The following RAB11B variants were observed in gnomAD, a reference collection of about 807,000 sequenced individuals.
RAB11B encodes RAB11B, member RAS oncogene family, also known as ras-related protein Rab-11B.
RAB11B carries 7 observed loss-of-function variants against 23.7 expected under a neutral mutation model. That is an observed-to-expected ratio of 0.29 (90% CI 0.17 to 0.55). The LOEUF (loss-of-function observed/expected upper bound fraction) is 0.55. Among genes scored for constraint, RAB11B ranks in the 20% least tolerant of loss-of-function variants. The pLI is 0.93. For missense variants in RAB11B, 189 were observed against 320.0 expected, an observed-to-expected ratio of 0.59 and a Z score of 3.12; for synonymous variants, 138 against 132.0, an observed-to-expected ratio of 1.05 and a Z score of -0.31.
At chr19:8,403,084 CT>C (rs900368921) in intron 4 of RAB11B, among the ~76,000 whole-genome samples, 6 of 152,346 alleles carry the variant, frequency 3.9e-5, no homozygotes, top group Admixed American at 1.3e-4. Context: ...CAGAGACCCC[CT>C]GGCCCCAGTT....
rs1298654620 is a variant in RAB11B at position 8,403,765 on chromosome 19, C to T, written c.*207C>T. Reference sequence around the variant, plus strand: ...AAGCTAGAAGCCCCGGTTTGCTGCACCCATGAAACTCGGGTCCCCACAGCG... The same window carrying T: ...AAGCTAGAAGCCCCGGTTTGCTGCATCCATGAAACTCGGGTCCCCACAGCG... On this transcript the variant is annotated 3_prime_UTR_variant, in exon 5 of 5. Coordinates refer to ENST00000328024, the MANE Select transcript of RAB11B (RefSeq NM_004218.4). The T allele has an allele frequency of 2.6e-5, 18 of 680,644 alleles. No individual in the cohort carries two copies. Among genetic ancestry groups the T allele is most frequent in the Non-Finnish European group, 4.1e-5 (18 of 440,550 alleles). The allele number at this position is 680,644 out of a possible 1,614,324, so 42.2% of individuals were successfully genotyped here.
rs539385712 is a variant in RAB11B at position 8,402,824 on chromosome 19, G to A, written c.511+259G>A. 1.3e-4 allele frequency: 71 copies of A among 562,784 alleles called. No individual in the cohort carries two copies. The African/African-American group carries it at 1.3e-3, about 10-fold the overall frequency. The allele number at this position is 562,784 out of a possible 1,614,324, so 34.9% of individuals were successfully genotyped here. On this transcript the variant is annotated intron_variant, in intron 4 of 4. Transcript: ENST00000328024. ...ATTACAGGTGCCTGCCACCACACCCGCTAATTTTTGTAATTTTTAGTAGAG... is the reference window on the plus strand; with the variant it reads ...ATTACAGGTGCCTGCCACCACACCCACTAATTTTTGTAATTTTTAGTAGAG...
intron 1 of RAB11B, among the ~76,000 whole-genome samples, chr19:8,393,018 A>G (rs1971370261): frequency 6.9e-6 from 1 of 145,128 alleles, no homozygotes; most frequent in South Asian, 2.1e-4. Flanking sequence ...TGGTGGCCAC[A>G]TCACGCACTG....
At position 8,403,609 on chromosome 19, in the gene RAB11B, A is replaced by G; in HGVS notation, c.*51A>G. 1 of 1,570,984 alleles carries G rather than the reference A, an allele frequency of 6.4e-7. No homozygotes were observed. The highest frequency in any genetic ancestry group is 8.7e-7 in the Non-Finnish European group (1 of 1,154,796). On this transcript the variant is annotated 3_prime_UTR_variant, in exon 5 of 5. Transcript: ENST00000328024. Reference sequence around the variant, plus strand: ...TGCACGTCCTCCGCCCGCCCCCGCCACGGTATCCTCTGGCCCCTCCCTGCT... The same window carrying G: ...TGCACGTCCTCCGCCCGCCCCCGCCGCGGTATCCTCTGGCCCCTCCCTGCT...
At chr19:8,398,203 G>T (rs1971411063) in intron 1 of RAB11B, among the ~76,000 whole-genome samples, 1 of 152,186 alleles carries the variant, frequency 6.6e-6, no homozygotes, top group Non-Finnish European at 1.5e-5. Flanking sequence ...TCTGCTCAGG[G>T]AAAGTGTTCC....
rs750754562 is a variant in RAB11B, at chr19:8,400,099, G to GGCGTGGGCTTGCAGC, written c.236+53_236+67dup. 95 of 1,597,186 alleles carry GGCGTGGGCTTGCAGC rather than the reference G, an allele frequency of 5.9e-5. 1 individual carries two copies. In the South Asian group the frequency reaches 9.9e-4, roughly 17 times the overall value. ...CTGGGCAGGGACGCTGAGATTCGGG[G>GGCGTGGGCTTGCAGC]GCGTGGGCTTGCAGCGCGTGGGCTT... On this transcript the variant is annotated intron_variant, in intron 2 of 4. Coordinates refer to ENST00000328024, the MANE Select transcript of RAB11B (RefSeq NM_004218.4).
At chr19:8,395,989 G>A (rs762770168) in intron 1 of RAB11B, among the ~76,000 whole-genome samples, 8 of 152,320 alleles carry the variant, frequency 5.3e-5, no homozygotes, top group African/African-American at 1.9e-4. Flanking sequence ...AGGTGAGGGC[G>A]AGCCCACAAA....
rs765703670 is a variant in RAB11B, at chr19:8,390,370, T to A, written c.-47T>A. ...GCCGGCTCCGCCCCCGTCGGGTGTT[T>A]GTGGTGGGGCTGCGGAGTCGCCGAT... On this transcript the variant is annotated 5_prime_UTR_variant, in exon 1 of 5. Transcript: ENST00000328024. The A allele has an allele frequency of 6.7e-7, 1 of 1,502,964 alleles. No individual in the cohort carries two copies. The highest frequency in any genetic ancestry group is 1.8e-4 in the Middle Eastern group (1 of 5,690). 93.1% of individuals were successfully genotyped at this position (1,502,964 alleles called of 1,614,324 possible). A position where few individuals can be genotyped will look rare whatever the true frequency, so the allele number is the denominator to read the frequency against.
In RAB11B at chr19:8,403,611, G is replaced by C; in HGVS notation, c.*53G>C. The C allele has an allele frequency of 6.4e-7, 1 of 1,567,696 alleles. No homozygotes were observed. Among genetic ancestry groups the C allele is most frequent in the Non-Finnish European group, 8.7e-7 (1 of 1,153,562 alleles). On this transcript the variant is annotated 3_prime_UTR_variant, in exon 5 of 5. Coordinates refer to ENST00000328024, the MANE Select transcript of RAB11B (RefSeq NM_004218.4). ...CACGTCCTCCGCCCGCCCCCGCCAC[G>C]GTATCCTCTGGCCCCTCCCTGCTGT...
chr19:8,403,979 G>T lies in RAB11B; in HGVS notation c.*421G>T. ...AGAACCGTGCTCTGGGCCAAAGCCC[G>T]AAGAACCAGGCAGCGGGGGCCGGGG... On this transcript the variant is annotated 3_prime_UTR_variant, in exon 5 of 5. Coordinates refer to ENST00000328024, the MANE Select transcript of RAB11B (RefSeq NM_004218.4). 6.1e-6 allele frequency: 1 copy of T among 162,636 alleles called. No individual in the cohort carries two copies. The highest frequency in any genetic ancestry group is 1.3e-5 in the Non-Finnish European group (1 of 74,938). 10.1% of individuals were successfully genotyped at this position (162,636 alleles called of 1,614,324 possible).
At chr19:8,397,608 C>G (rs981387441) in intron 1 of RAB11B, among the ~76,000 whole-genome samples, 1 of 152,026 alleles carries the variant, frequency 6.6e-6, no homozygotes. Flanking sequence ...TGATACCTTC[C>G]AGTGCCCGAG....
At chr19:8,401,913 A>G (rs558246758) in intron 2 of RAB11B, among the ~76,000 whole-genome samples, 173 bp from the exon 3 acceptor site, 2 of 152,300 alleles carry the variant, frequency 1.3e-5, no homozygotes, top group South Asian at 4.1e-4. Context: ...AGCTGGATCC[A>G]GGGAGCAGCG....
rs1456034116 is a variant in RAB11B at position 8,402,433 on chromosome 19, GGA to G, written c.431-50_431-49del. On this transcript the variant is annotated intron_variant, in intron 3 of 4. Coordinates refer to ENST00000328024, the MANE Select transcript of RAB11B (RefSeq NM_004218.4). ...TGGGCGGGGTCCCTGAGAGCATGTG[GGA>G]GCCTGTCACCCTGCCTCCCCACTCA... The G allele has an allele frequency of 2.5e-6, 4 of 1,581,624 alleles. No homozygotes were observed. In the Admixed American group the frequency reaches 6.7e-5, roughly 26 times the overall value.
rs369932230 is a variant in RAB11B, at chr19:8,396,476, C to T, written c.41-3387C>T. 2.0e-4 allele frequency among the ~76,000 whole-genome samples: 30 copies of T among 152,172 alleles called. No homozygotes were observed. Among genetic ancestry groups the T allele is most frequent in the African/African-American group, 6.0e-4 (25 of 41,522 alleles). The stretch of plus-strand genomic sequence containing the variant: ...AGAGTGACGGAGGAAGAACTGGGTC[C>T]GGGAGCAGGGTAATTCGGAGAGTAG... On this transcript the variant is annotated intron_variant, in intron 1 of 4. Transcript: ENST00000328024. This position sits in a 1 kb window ranked among gnomAD's most constrained non-coding sequence, Gnocchi z 5.0.
rs776791936 is a variant in RAB11B, at chr19:8,403,473, C to T, written c.572C>T (p.Pro191Leu). 43 of 1,613,854 alleles carry T rather than the reference C, an allele frequency of 2.7e-5. No individual in the cohort carries two copies. The highest frequency in any genetic ancestry group is 8.9e-5 in the East Asian group (4 of 44,872). Residue 191 changes from proline (P) to leucine (L), a missense_variant, in exon 5 of 5, where the codon CCG becomes CTG. Around this residue, in one of 5 missense-constraint regions of RAB11B, gnomAD observed 122 missense variants for 170.8 expected, o/e 0.71. Coordinates refer to ENST00000328024, the MANE Select transcript of RAB11B (RefSeq NM_004218.4). ...IADRAAHDESPGNNVVDISVP... is the reference protein window; with the variant it reads ...IADRAAHDESLGNNVVDISVP... The stretch of plus-strand genomic sequence containing the variant: ...GACCGCGCTGCCCACGACGAGTCCC[C>T]GGGGAACAACGTGGTGGACATCAGC...
At chr19:8,402,323 C>A in intron 3 of RAB11B, 44 bp downstream of exon 3, 1 of 1,532,414 alleles carries the variant, frequency 6.5e-7, no homozygotes, top group Non-Finnish European at 8.8e-7. Context: ...GTCTGGAAGG[C>A]AGGAGGCCCC....
At chr19:8,400,084 A>G (rs749538164) in intron 2 of RAB11B, 26 bp downstream of exon 2, 3 of 1,602,550 alleles carry the variant, frequency 1.9e-6, no homozygotes, top group Admixed American at 1.7e-5. Context: ...CTGGGCAGGG[A>G]CGCTGAGATT....
rs565355018 is a variant in RAB11B at position 8,402,098 on chromosome 19, T to C, written c.249T>C (p.Gly83=). The change falls in exon 3 of 5, where the codon GGT becomes GGC. Residue 83 remains glycine (G), a synonymous_variant. Transcript: ENST00000328024. ...YRAITSAYYR[G]AVGALLVYDI... is the part of the protein sequence containing the mutation. The stretch of plus-strand genomic sequence containing the variant: ...CCTGACCCTGCAGGTACTACCGTGG[T>C]GCAGTGGGCGCCCTGCTGGTGTACG... 7 of 1,599,764 alleles carry C rather than the reference T, an allele frequency of 4.4e-6. No homozygotes were observed. Among genetic ancestry groups the C allele is most frequent in the Middle Eastern group, 3.3e-4 (2 of 6,040 alleles).
In RAB11B at chr19:8,403,558, AC is replaced by A; in HGVS notation, c.*4del. 6.2e-7 allele frequency: 1 copy of A among 1,609,426 alleles called. No individual in the cohort carries two copies. The highest frequency in any genetic ancestry group is 8.5e-7 in the Non-Finnish European group (1 of 1,177,152). ...AGCTGCAGTGCTGCCAGAACCTGTG[AC>A]CCCTGCGCCTCCACCCAGCGTGCGT... is the stretch of plus-strand genomic sequence containing the variant. On this transcript the variant is annotated 3_prime_UTR_variant, in exon 5 of 5. Coordinates refer to ENST00000328024, the MANE Select transcript of RAB11B (RefSeq NM_004218.4).
Sources: allele counts gnomAD v4.1 joint callset (sites outside exome capture counted in the v4.1 genomes callset), GRCh38; gene constraint gnomAD v4.1.1; regional missense constraint gnomAD v4.1.1; non-coding constraint Gnocchi (gnomAD v3.1); transcripts MANE v1.5; gene names NCBI Gene and HGNC (gene_info 2026-07-23, HGNC 2026-07-21).